PDE3B: variants seen among roughly 807,000 people sequenced by gnomAD.
PDE3B encodes the protein phosphodiesterase 3B.
A neutral mutation model predicts 116.8 loss-of-function variants in PDE3B; 66 were observed. The observed-to-expected ratio is 0.56, with a 90% confidence interval of 0.46 to 0.69. The LOEUF (loss-of-function observed/expected upper bound fraction) is 0.69. Among genes scored for constraint, PDE3B ranks in the 30% least tolerant of loss-of-function variants. The probability of loss-of-function intolerance (pLI) is 0.00; values close to 1 mark genes in which losing one functional copy is unlikely to be tolerated. For missense variants in PDE3B, 1,384 were observed against 1,368.1 expected (o/e 1.01, Z -0.18); for synonymous variants, 595 against 533.6 (o/e 1.12, Z -1.59).
intron 14 of PDE3B, among the ~76,000 whole-genome samples, chr11:14,865,484 G>C (rs542619883): frequency 1.1e-4 from 17 of 151,942 alleles, no homozygotes; most frequent in Non-Finnish European, 2.1e-4. Flanking sequence ...CATGCACCTG[G>C]TATACTTTGT....
intron 7 of PDE3B, among the ~76,000 whole-genome samples, chr11:14,828,998 T>C (rs1163282742): frequency 1.3e-5 from 2 of 152,148 alleles, no homozygotes; most frequent in Non-Finnish European, 2.9e-5. Flanking sequence ...AATGAGATTG[T>C]GTCCTTTGCA....
intron 1 of PDE3B, among the ~76,000 whole-genome samples, chr11:14,729,315 C>G (rs1438845308): frequency 1.3e-5 from 2 of 152,176 alleles, no homozygotes; most frequent in African/African-American, 4.8e-5. Context: ...CTTGAATATA[C>G]TTTTATGTTT....
At chr11:14,803,400 G>T (rs1386275565) in intron 4 of PDE3B, among the ~76,000 whole-genome samples, 1 of 152,148 alleles carries the variant, frequency 6.6e-6, no homozygotes, top group Non-Finnish European at 1.5e-5. Flanking sequence ...AGAAAAAAAT[G>T]AAAAACTATA....
intron 1 of PDE3B, among the ~76,000 whole-genome samples, chr11:14,696,141 C>T (rs569076244): frequency 7.0e-4 from 106 of 152,210 alleles, no homozygotes; most frequent in African/African-American, 2.3e-3. Context: ...TAAAAGTGTT[C>T]CTGTTTCTCC....
intron 10 of PDE3B, 96 bp downstream of exon 10, chr11:14,832,929 A>G (rs994139998): frequency 2.9e-5 from 18 of 612,286 alleles, no homozygotes; most frequent in Non-Finnish European, 8.8e-6. Flanking sequence ...AAACACTTTT[A>G]AAACTGCTTG....
At chr11:14,666,101 C>A (rs1020582832) in intron 1 of PDE3B, among the ~76,000 whole-genome samples, 1 of 151,016 alleles carries the variant, frequency 6.6e-6, no homozygotes, top group African/African-American at 2.4e-5. Flanking sequence ...ATCAATGGAA[C>A]AGAACAGAGC....
intron 2 of PDE3B, among the ~76,000 whole-genome samples, chr11:14,779,094 G>C (rs1449873789): frequency 6.6e-6 from 1 of 152,110 alleles, no homozygotes; most frequent in African/African-American, 2.4e-5. Flanking sequence ...TCAGATGAAT[G>C]AAATGAAGCG....
intron 7 of PDE3B, among the ~76,000 whole-genome samples, chr11:14,820,549 A>C (rs1489933686): frequency 6.6e-6 from 1 of 152,158 alleles, no homozygotes; most frequent in African/African-American, 2.4e-5. Context: ...ATAACTGCAA[A>C]TATACTAAAA....
At chr11:14,820,796 A>G (rs1420089885) in intron 7 of PDE3B, among the ~76,000 whole-genome samples, 1 of 152,148 alleles carries the variant, frequency 6.6e-6, no homozygotes, top group African/African-American at 2.4e-5. Context: ...GTAGTCTGCA[A>G]TACTGGAACT....
intron 7 of PDE3B, among the ~76,000 whole-genome samples, chr11:14,820,965 C>T (rs1047583467): frequency 7.2e-5 from 11 of 152,158 alleles, no homozygotes; most frequent in Non-Finnish European, 1.5e-5. Flanking sequence ...GTAATTTATA[C>T]TCAATAAAGT....
intron 1 of PDE3B, among the ~76,000 whole-genome samples, chr11:14,685,267 G>A (rs767466536): frequency 1.3e-5 from 2 of 151,804 alleles, no homozygotes; most frequent in Admixed American, 6.6e-5. Flanking sequence ...CGGTCCCTCC[G>A]TTCAGTGTCC....
At chr11:14,787,620 C>G (rs1188312880) in intron 3 of PDE3B, among the ~76,000 whole-genome samples, 1 of 151,854 alleles carries the variant, frequency 6.6e-6, no homozygotes, top group Non-Finnish European at 1.5e-5. Context: ...GTATTGATCA[C>G]AATCTGGATC....
intron 1 of PDE3B, among the ~76,000 whole-genome samples, chr11:14,755,205 C>A (rs1857152707): frequency 6.6e-6 from 1 of 152,108 alleles, no homozygotes; most frequent in East Asian, 1.9e-4. Flanking sequence ...CACATCTTGT[C>A]AAAAGTTAAA....
At chr11:14,652,063 G>A (rs1653977808) in intron 1 of PDE3B, among the ~76,000 whole-genome samples, 1 of 151,988 alleles carries the variant, frequency 6.6e-6, no homozygotes, top group Admixed American at 6.5e-5. Context: ...CTCATTCTGT[G>A]TTTTCTTTGA....
At chr11:14,863,271 C>T (rs1209487116) in intron 14 of PDE3B, among the ~76,000 whole-genome samples, 1 of 152,104 alleles carries the variant, frequency 6.6e-6, no homozygotes, top group Non-Finnish European at 1.5e-5. Context: ...TTTCTTTATC[C>T]AGTCTATCAT....
At chr11:14,785,757 G>C (rs533353698) in intron 2 of PDE3B, among the ~76,000 whole-genome samples, 4 of 151,988 alleles carry the variant, frequency 2.6e-5, no homozygotes, top group African/African-American at 9.6e-5. Flanking sequence ...ATGCTACCCT[G>C]TCTGTGAGGT....
chr11:14,891,991 A>T, the PDE3B span: 1 of 1,613,254 alleles, frequency 6.2e-7, no homozygotes, highest in Non-Finnish European at 8.5e-7. Context: ...CTCTCCGTAC[A>T]CCTGGCTCTG....
chr11:14,791,437 C>G (rs2060794), intron 4 of PDE3B, among the ~76,000 whole-genome samples: 97,183 of 151,820 alleles, frequency 0.64, 31,240 homozygotes, highest in Middle Eastern at 0.71. Flanking sequence ...CTTATTTCCC[C>G]GCACAATGCT....
chr11:14,789,073 G>A, intron 3 of PDE3B, 33 bp from the exon 4 acceptor site: 1 of 1,540,262 alleles, frequency 6.5e-7, no homozygotes, highest in Non-Finnish European at 8.9e-7. Flanking sequence ...ATTAAAGAGT[G>A]ACATTTTAAA....
Sources: gnomAD v4.1 joint callset for allele counts (sites outside exome capture counted in the v4.1 genomes callset) on GRCh38, gnomAD v4.1.1 for gene constraint, MANE v1.5 for transcripts, NCBI Gene and HGNC (gene_info 2026-07-23, HGNC 2026-07-21) for gene names.